GALNT18: variants seen among roughly 807,000 people sequenced by gnomAD.
GALNT18 encodes polypeptide N-acetylgalactosaminyltransferase 18.
GALNT18 carries 44 observed loss-of-function variants against 69.5 expected under a neutral mutation model. The observed-to-expected ratio is 0.63, with a 90% CI of 0.50 to 0.81. The LOEUF (loss-of-function observed/expected upper bound fraction) is 0.81, where lower values mean the gene tolerates loss of function less well. Among genes scored for constraint, GALNT18 ranks in the 40% least tolerant of loss-of-function variants. The pLI is 0.00. For missense variants in GALNT18, 715 were observed against 810.0 expected, an observed-to-expected ratio of 0.88 and a Z score of 1.42; for synonymous variants, 364 against 318.2, an observed-to-expected ratio of 1.14 and a Z score of -1.53.
chr11:11,495,635 C>A (rs534572040), intron 1 of GALNT18, among the ~76,000 whole-genome samples: 9 of 152,314 alleles, frequency 5.9e-5, no homozygotes, highest in African/African-American at 2.2e-4. Context: ...CATCAGAGAG[C>A]AAGCAGTAAC....
At chr11:11,539,412 C>T (rs1364558127) in intron 1 of GALNT18, among the ~76,000 whole-genome samples, 1 of 152,234 alleles carries the variant, frequency 6.6e-6, no homozygotes, top group Admixed American at 6.5e-5. Flanking sequence ...GAAGAGTGAG[C>T]AGGTCGCTTT....
chr11:11,585,992 C>T (rs6485012), intron 1 of GALNT18, among the ~76,000 whole-genome samples: 141,279 of 152,032 alleles, frequency 0.93, 65,798 homozygotes, highest in East Asian at 0.98. Flanking sequence ...CGAAAGAGAG[C>T]CCAGAGAGCT....
intron 10 of GALNT18, among the ~76,000 whole-genome samples, chr11:11,285,478 G>A (rs1310812323): frequency 1.3e-5 from 2 of 152,172 alleles, no homozygotes; most frequent in East Asian, 3.8e-4. Context: ...GGGGAGCTGA[G>A]CCATCACACC....
At chr11:11,483,785 G>T (rs1433713732) in intron 1 of GALNT18, among the ~76,000 whole-genome samples, 1 of 152,222 alleles carries the variant, frequency 6.6e-6, no homozygotes, top group Non-Finnish European at 1.5e-5. Flanking sequence ...GCTGTGATGG[G>T]AGGTGTGCTT....
chr11:11,439,842 A>G lies in GALNT18; in HGVS notation c.429-7055T>C, dbSNP rs1214740211. The stretch of plus-strand genomic sequence containing the variant: ...ATTTACTCCCTGCCTGACTGCAGCA[A>G]TAAGACTAGATCATCCCACAAGCCA... On this transcript the variant is annotated intron_variant, in intron 2 of 10. Coordinates refer to ENST00000227756, the MANE Select transcript of GALNT18 (RefSeq NM_198516.3). The surrounding 1 kb of genome is among the most constrained non-coding windows in gnomAD (Gnocchi z 4.4). 3.3e-5 allele frequency among the ~76,000 whole-genome samples: 5 copies of G among 152,234 alleles called. 1 individual carries two copies. Among genetic ancestry groups the G allele is most frequent in the African/African-American group, 1.2e-4 (5 of 41,472 alleles).
chr11:11,539,011 C>T lies in GALNT18; in HGVS notation c.235+82348G>A, dbSNP rs1240225280. Among the ~76,000 whole-genome samples, 4 of 152,190 alleles carry T rather than the reference C, an allele frequency of 2.6e-5. No homozygotes were observed. The East Asian group carries it at 7.7e-4, about 29-fold the overall frequency. ...AGAGCAGGGACCTAACTATCTTGTT[C>T]TCTGTGACATCTTTGGGCTAGAGGA... is the stretch of plus-strand genomic sequence containing the variant. On this transcript the variant is annotated intron_variant, in intron 1 of 10. Transcript: ENST00000227756.
intron 3 of GALNT18, among the ~76,000 whole-genome samples, chr11:11,397,132 C>A (rs1688588392): frequency 6.6e-6 from 1 of 152,176 alleles, no homozygotes; most frequent in Non-Finnish European, 1.5e-5. Context: ...TAGGACTCTG[C>A]AGGCAGGCTC....
At chr11:11,388,397 A>C (rs1345202032) in intron 3 of GALNT18, among the ~76,000 whole-genome samples, 2 of 152,226 alleles carry the variant, frequency 1.3e-5, no homozygotes, top group African/African-American at 4.8e-5. Context: ...TGACCGTGGC[A>C]GGTTATAGAA....
chr11:11,528,620 A>T (rs896723989), intron 1 of GALNT18, among the ~76,000 whole-genome samples: 1 of 152,230 alleles, frequency 6.6e-6, no homozygotes, highest in Non-Finnish European at 1.5e-5. Context: ...CCTGACAAGC[A>T]TGTGGATGAT....
chr11:11,458,318 C>T (rs908606819), intron 1 of GALNT18, among the ~76,000 whole-genome samples: 6 of 152,196 alleles, frequency 3.9e-5, no homozygotes, highest in African/African-American at 1.2e-4. Flanking sequence ...TTCTTCCACT[C>T]CTCATTTTAA....
chr11:11,385,300 T>A (rs376990020), intron 3 of GALNT18, among the ~76,000 whole-genome samples: 10,494 of 140,934 alleles, frequency 0.074, 523 homozygotes, highest in Admixed American at 0.15. Flanking sequence ...GGGATCAAAT[T>A]TTTTTTTTTT....
At chr11:11,589,188 G>C (rs79405575) in intron 1 of GALNT18, among the ~76,000 whole-genome samples, 1,713 of 152,292 alleles carry the variant, frequency 0.011, 30 homozygotes, top group African/African-American at 0.039. Context: ...GGAAGGAAAG[G>C]GGGCTGCGTT....
chr11:11,378,585 G>C (rs1417558090), intron 4 of GALNT18, among the ~76,000 whole-genome samples: 2 of 152,208 alleles, frequency 1.3e-5, no homozygotes, highest in African/African-American at 4.8e-5. Context: ...GGGAGAATCT[G>C]AGATTACGTG....
At chr11:11,424,036 G>A (rs748573973) in intron 3 of GALNT18, among the ~76,000 whole-genome samples, 5 of 152,186 alleles carry the variant, frequency 3.3e-5, no homozygotes, top group Admixed American at 6.5e-5. Context: ...ACTCCAGCCC[G>A]GGCCAGTGGC....
rs1361160652 is a variant in GALNT18 at position 11,620,328 on chromosome 11, C to CGTGT, written c.235+1030_235+1031insACAC. 1.3e-4 allele frequency among the ~76,000 whole-genome samples: 14 copies of CGTGT among 110,660 alleles called. No homozygotes were observed. Among genetic ancestry groups the CGTGT allele is most frequent in the African/African-American group, 6.5e-4 (14 of 21,582 alleles). 72.6% of individuals were successfully genotyped at this position (110,660 alleles called of 152,430 possible). A position where few individuals can be genotyped will look rare whatever the true frequency, so the allele number is the denominator to read the frequency against. Reference sequence around the variant, plus strand: ...AAGTGTGGACGTGAGCGCGCGCGCGCGCGCGTGTGTGTGTGTGTGTGCACA... The same window carrying CGTGT: ...AAGTGTGGACGTGAGCGCGCGCGCGCGTGTGCGCGTGTGTGTGTGTGTGTGCACA... On this transcript the variant is annotated intron_variant, in intron 1 of 10. Transcript: ENST00000227756. The surrounding 1 kb of genome is among the most constrained non-coding windows in gnomAD (Gnocchi z 6.9).
In GALNT18 at chr11:11,421,308, C is replaced by T. The variant is rs1000497965; in HGVS notation, c.595+11313G>A. Among the ~76,000 whole-genome samples, 1 of 152,182 alleles carries T rather than the reference C, an allele frequency of 6.6e-6. No homozygotes were observed. On this transcript the variant is annotated intron_variant, in intron 3 of 10. Transcript: ENST00000227756. This position sits in a 1 kb window ranked among gnomAD's most constrained non-coding sequence, Gnocchi z 5.6. The stretch of plus-strand genomic sequence containing the variant: ...AATGGATTGAGCCCTGGGGCTGGTC[C>T]ACAAAGAGGCGGGTGACTCAAGAGC...
chr11:11,388,898 G>T (rs917629803), intron 3 of GALNT18, among the ~76,000 whole-genome samples: 48 of 152,098 alleles, frequency 3.2e-4, no homozygotes, highest in Non-Finnish European at 1.3e-4. Context: ...CAGGTGCTGG[G>T]GACTGTTCTA....
intron 3 of GALNT18, among the ~76,000 whole-genome samples, chr11:11,420,825 A>G (rs1398694558): frequency 1.3e-5 from 2 of 152,154 alleles, no homozygotes; most frequent in African/African-American, 4.8e-5. Context: ...AGGGCAGGAG[A>G]AACCCCTCCT....
rs894843916 is a variant in GALNT18 at position 11,439,381 on chromosome 11, A to G, written c.429-6594T>C. 2.0e-5 allele frequency among the ~76,000 whole-genome samples: 3 copies of G among 152,132 alleles called. No individual in the cohort carries two copies. The highest frequency in any genetic ancestry group is 4.4e-5 in the Non-Finnish European group (3 of 68,026). ...TTGTGGGCCTTCATCAGCCTTCAAA[A>G]AATCCCAACCACCTGTGGTCACCTG... is the stretch of plus-strand genomic sequence containing the variant. On this transcript the variant is annotated intron_variant, in intron 2 of 10. Coordinates refer to ENST00000227756, the MANE Select transcript of GALNT18 (RefSeq NM_198516.3). The surrounding 1 kb of genome is among the most constrained non-coding windows in gnomAD (Gnocchi z 4.4).
Sources: gnomAD v4.1 joint callset for allele counts (sites outside exome capture counted in the v4.1 genomes callset) on GRCh38, gnomAD v4.1.1 for gene constraint, Gnocchi (gnomAD v3.1) non-coding constraint, MANE v1.5 for transcripts, NCBI Gene and HGNC (gene_info 2026-07-23, HGNC 2026-07-21) for gene names.